NDRG3: variants seen among roughly 807,000 people sequenced by gnomAD.
NDRG3 encodes NDRG family member 3.
In NDRG3, 23 loss-of-function variants were observed where a neutral mutation model predicts 57.2. The ratio of observed to expected loss-of-function variants is 0.40; its 90% CI spans 0.29 to 0.57. The LOEUF (loss-of-function observed/expected upper bound fraction) is 0.57, where lower values mean the gene tolerates loss of function less well. Ranked by LOEUF, NDRG3 falls within the 20% of genes least tolerant of loss-of-function variation. NDRG3 has a pLI of 0.42. For missense variants in NDRG3, 384 were observed against 457.3 expected (o/e 0.84, Z 1.46); for synonymous variants, 132 against 162.6 (o/e 0.81, Z 1.43).
chr20:36,716,303 C>A (rs914480481), intron 2 of NDRG3, among the ~76,000 whole-genome samples: 4 of 151,944 alleles, frequency 2.6e-5, no homozygotes, highest in African/African-American at 9.7e-5. Flanking sequence ...GAGGCCGAGG[C>A]GGACGGATCA....
intron 2 of NDRG3, among the ~76,000 whole-genome samples, chr20:36,711,698 C>CT (rs997589296): frequency 2.6e-5 from 4 of 152,220 alleles, no homozygotes; most frequent in Non-Finnish European, 5.9e-5. Flanking sequence ...AAAAACAACT[C>CT]TGTGTTCTCA....
chr20:36,704,065 A>AT (rs1274851185), intron 3 of NDRG3, among the ~76,000 whole-genome samples: 13 of 151,636 alleles, frequency 8.6e-5, no homozygotes, highest in Non-Finnish European at 1.0e-4. Flanking sequence ...TTATATTCTA[A>AT]TTTTTTCTCT....
At chr20:36,745,359 CAG>C (rs1403372836) in intron 1 of NDRG3, among the ~76,000 whole-genome samples, 2 of 152,172 alleles carry the variant, frequency 1.3e-5, no homozygotes, top group African/African-American at 4.8e-5. Context: ...AGAGCAACTT[CAG>C]AGATGACAAG....
chr20:36,669,346 C>T (rs1979931111), intron 9 of NDRG3, among the ~76,000 whole-genome samples: 1 of 150,582 alleles, frequency 6.6e-6, no homozygotes, highest in South Asian at 2.1e-4. Flanking sequence ...TCTCCTGCCT[C>T]AACCTTCCAA....
chr20:36,735,922 C>T (rs1295113692), intron 1 of NDRG3, among the ~76,000 whole-genome samples: 2 of 146,032 alleles, frequency 1.4e-5, no homozygotes, highest in Non-Finnish European at 3.0e-5. Context: ...TGCAGTGAGC[C>T]GAGATTGCAC....
intron 13 of NDRG3, 22 bp downstream of exon 13, chr20:36,660,315 G>A (rs1484451486): frequency 6.3e-7 from 1 of 1,581,690 alleles, no homozygotes. Context: ...AGGGTTGGAA[G>A]TGAGGGAAGA....
At chr20:36,656,278 C>G in intron 15 of NDRG3, 82 bp downstream of exon 15, 4 of 1,394,862 alleles carry the variant, frequency 2.9e-6, no homozygotes, top group Non-Finnish European at 4.0e-6. Flanking sequence ...GGTTATATCT[C>G]AAGAATTGTG....
intron 12 of NDRG3, among the ~76,000 whole-genome samples, 178 bp from the exon 13 acceptor site, chr20:36,660,562 TTATTTA>T (rs1979094540): frequency 6.6e-6 from 1 of 150,844 alleles, no homozygotes; most frequent in Non-Finnish European, 1.5e-5. Flanking sequence ...ATTTATTTAT[TTATTTA>T]TTTTTTTTTT....
chr20:36,694,478 G>T lies in NDRG3; in HGVS notation c.94-5694C>A, dbSNP rs10439575. On this transcript the variant is annotated intron_variant, in intron 3 of 15. Coordinates refer to ENST00000349004, the MANE Select transcript of NDRG3 (RefSeq NM_032013.4). ...CTGCTTCTTCTACATATTCCTCATT[G>T]CCTGGCACTGGTTCAGAAGCATTCA... Among the ~76,000 whole-genome samples, 931 of 152,194 alleles carry T rather than the reference G, an allele frequency of 6.1e-3. 12 individuals carry two copies. The highest frequency in any genetic ancestry group is 0.021 in the African/African-American group (872 of 41,506).
chr20:36,672,892 C>T (rs1451054058), intron 8 of NDRG3, among the ~76,000 whole-genome samples: 6 of 151,980 alleles, frequency 3.9e-5, no homozygotes, highest in African/African-American at 4.8e-5. Context: ...TTGACAGGGT[C>T]TCTCTCTGTC....
At chr20:36,712,570 TATATATATATATA>T (rs2148180613) in intron 2 of NDRG3, among the ~76,000 whole-genome samples, 1 of 16,616 alleles carries the variant, frequency 6.0e-5, no homozygotes, top group East Asian at 1.2e-3. Context: ...TATATATATA[TATATATATATATA>T]TATATTTTTT....
chr20:36,699,953 C>T (rs560106012), intron 3 of NDRG3, among the ~76,000 whole-genome samples: 1 of 151,898 alleles, frequency 6.6e-6, no homozygotes, highest in Non-Finnish European at 1.5e-5. Context: ...AAACCCGTCT[C>T]TACTAAAAAT....
chr20:36,662,313 C>T (rs1277033520), intron 12 of NDRG3, among the ~76,000 whole-genome samples: 3 of 151,760 alleles, frequency 2.0e-5, no homozygotes, highest in East Asian at 1.9e-4. Flanking sequence ...CTGAAACCTC[C>T]GCTTCCTGGG....
intron 13 of NDRG3, among the ~76,000 whole-genome samples, chr20:36,659,533 T>C (rs1334573983): frequency 1.3e-5 from 2 of 152,332 alleles, no homozygotes; most frequent in East Asian, 3.9e-4. Flanking sequence ...TTTTATTCCA[T>C]ATGCTTTCCT....
intron 1 of NDRG3, among the ~76,000 whole-genome samples, chr20:36,723,666 G>GTGTGTA (rs1358969872): frequency 6.7e-5 from 10 of 149,306 alleles, no homozygotes; most frequent in Admixed American, 6.7e-4. Flanking sequence ...TCTAGTGTGT[G>GTGTGTA]TGTGTGTGTG....
intron 5 of NDRG3, among the ~76,000 whole-genome samples, chr20:36,685,495 G>C (rs905844763): frequency 1.3e-5 from 2 of 152,066 alleles, no homozygotes; most frequent in African/African-American, 4.8e-5. Flanking sequence ...ATTTTTTGTA[G>C]AGATGGAGTC....
chr20:36,735,966 G>C (rs1985586560), intron 1 of NDRG3, among the ~76,000 whole-genome samples: 2 of 126,238 alleles, frequency 1.6e-5, no homozygotes, highest in African/African-American at 3.0e-5. Context: ...GCGAGGCCCT[G>C]TCTCAAAAAA....
At position 36,666,282 on chromosome 20, in the gene NDRG3, A is replaced by T. The variant is rs1337302605; in HGVS notation, c.692+7T>A. 6.2e-7 allele frequency: 1 copy of T among 1,604,602 alleles called. No individual in the cohort carries two copies. The highest frequency in any genetic ancestry group is 8.5e-7 in the Non-Finnish European group (1 of 1,171,390). On this transcript the variant is annotated splice_region_variant and intron_variant, in intron 10 of 15. Coordinates refer to ENST00000349004, the MANE Select transcript of NDRG3 (RefSeq NM_032013.4). ...CATTTAAGTGAAGAAACAGGAAAAA[A>T]CTATACCCATTGTAGGAATTCAAGA...
intron 3 of NDRG3, among the ~76,000 whole-genome samples, chr20:36,694,879 T>C (rs560590201): frequency 6.6e-6 from 1 of 152,198 alleles, no homozygotes; most frequent in South Asian, 2.1e-4. Context: ...CACCTCAGCC[T>C]CTCAAGTAGC....
Sources: gnomAD v4.1 joint callset for allele counts (sites outside exome capture counted in the v4.1 genomes callset) on GRCh38, gnomAD v4.1.1 for gene constraint, MANE v1.5 for transcripts, NCBI Gene and HGNC (gene_info 2026-07-23, HGNC 2026-07-21) for gene names.